Variants in WWOX observed in about 807,000 individuals in gnomAD.
The protein encoded by WWOX is WW domain-containing oxidoreductase.
WWOX carries 69 observed loss-of-function variants against 46.2 expected under a neutral mutation model. The observed-to-expected ratio is 1.49, with a 90% CI of 1.23 to 1.82. WWOX has a LOEUF of 1.82. Ranked by LOEUF, WWOX falls within the 40% of genes most tolerant of loss-of-function variation. The pLI, the probability that WWOX is intolerant of heterozygous loss-of-function variation, is 0.00. For synonymous variants in WWOX, 359 were observed against 202.6 expected (o/e 1.77, Z -6.56); for missense variants, 919 against 542.6 (o/e 1.69, Z -6.89).
chr16:78,868,889 T>C (rs2044065033), intron 8 of WWOX, among the ~76,000 whole-genome samples: 1 of 152,142 alleles, frequency 6.6e-6, no homozygotes, highest in Non-Finnish European at 1.5e-5. Context: ...TTGCATCCCT[T>C]AGAAATTTGC....
At chr16:78,821,231 G>A (rs1248607127) in intron 8 of WWOX, among the ~76,000 whole-genome samples, 5 of 152,040 alleles carry the variant, frequency 3.3e-5, no homozygotes, top group South Asian at 4.2e-4. Context: ...GTTGAGCATC[G>A]TCTGTTACCT....
chr16:78,300,851 G>A (rs56789501), intron 5 of WWOX, among the ~76,000 whole-genome samples: 7,570 of 152,108 alleles, frequency 0.05, 657 homozygotes, highest in African/African-American at 0.17. Context: ...AGTGTCTCCA[G>A]GGGCCATATG....
chr16:78,245,758 T>A (rs948247953), intron 5 of WWOX, among the ~76,000 whole-genome samples: 1 of 152,204 alleles, frequency 6.6e-6, no homozygotes, highest in Admixed American at 6.5e-5. Flanking sequence ...GAATGTTTCC[T>A]AAGTTAGTTC....
At chr16:78,866,369 G>A (rs1220534910) in intron 8 of WWOX, among the ~76,000 whole-genome samples, 1 of 151,948 alleles carries the variant, frequency 6.6e-6, no homozygotes, top group Non-Finnish European at 1.5e-5. Context: ...CAATAATTGT[G>A]ACTCCCTCAT....
chr16:78,823,481 C>T (rs2051561617), intron 8 of WWOX, among the ~76,000 whole-genome samples: 1 of 152,312 alleles, frequency 6.6e-6, no homozygotes, highest in African/African-American at 2.4e-5. Flanking sequence ...TGGTGACCCA[C>T]ATCTCAGGAT....
intron 2 of WWOX, among the ~76,000 whole-genome samples, chr16:78,108,987 G>A (rs985734574): frequency 6.6e-6 from 1 of 152,074 alleles, no homozygotes; most frequent in African/African-American, 2.4e-5. Flanking sequence ...GATGCTGTCT[G>A]AAAAATAGCG....
chr16:79,030,635 A>C (rs2047734453), intron 8 of WWOX, among the ~76,000 whole-genome samples: 1 of 152,196 alleles, frequency 6.6e-6, no homozygotes, highest in South Asian at 2.1e-4. Context: ...GTTTTCGTTC[A>C]ACCTTTGTTT....
chr16:78,304,778 C>G (rs539215183), intron 5 of WWOX, among the ~76,000 whole-genome samples: 2 of 152,252 alleles, frequency 1.3e-5, no homozygotes, highest in East Asian at 1.9e-4. Context: ...TGGAAAGGAT[C>G]TATTCCTAGA....
intron 5 of WWOX, among the ~76,000 whole-genome samples, chr16:78,377,776 A>T (rs1406380044): frequency 6.6e-6 from 1 of 152,240 alleles, no homozygotes; most frequent in Non-Finnish European, 1.5e-5. Context: ...CATTTTTAAT[A>T]GTTTTGCTTT....
intron 8 of WWOX, among the ~76,000 whole-genome samples, chr16:78,527,355 A>G (rs1001137410): frequency 1.4e-5 from 2 of 142,344 alleles, no homozygotes; most frequent in African/African-American, 5.2e-5. Context: ...GTGCAGTGGT[A>G]TGATCTCAGC....
intron 4 of WWOX, among the ~76,000 whole-genome samples, chr16:78,127,011 G>C (rs2033390140): frequency 6.6e-6 from 1 of 152,170 alleles, no homozygotes; most frequent in African/African-American, 2.4e-5. Flanking sequence ...CTGACAGTTA[G>C]GGCAAGCTTC....
intron 8 of WWOX, among the ~76,000 whole-genome samples, chr16:78,815,700 T>G (rs549786014): frequency 6.6e-6 from 1 of 152,292 alleles, no homozygotes; most frequent in South Asian, 2.1e-4. Context: ...CCTGTTCTTT[T>G]AAGGAAATCT....
At chr16:78,831,151 C>T (rs945271487) in intron 8 of WWOX, among the ~76,000 whole-genome samples, 1 of 152,182 alleles carries the variant, frequency 6.6e-6, no homozygotes, top group African/African-American at 2.4e-5. Flanking sequence ...GAGCTGAGAA[C>T]CACTCAGAAT....
chr16:78,570,000 T>C (rs916386327), intron 8 of WWOX, among the ~76,000 whole-genome samples: 10 of 152,204 alleles, frequency 6.6e-5, no homozygotes, highest in Admixed American at 6.5e-5. Flanking sequence ...TGCAGTGGGA[T>C]GGTTATCGGA....
chr16:78,378,414 A>T (rs1164804867), intron 5 of WWOX, among the ~76,000 whole-genome samples: 2 of 152,188 alleles, frequency 1.3e-5, no homozygotes, highest in Admixed American at 1.3e-4. Context: ...GAAAAGAATC[A>T]CTAGTCAATG....
At chr16:78,397,075 C>T (rs745773192) in intron 6 of WWOX, among the ~76,000 whole-genome samples, 10 of 152,098 alleles carry the variant, frequency 6.6e-5, no homozygotes, top group Non-Finnish European at 1.2e-4. Context: ...TGTTGAGAGT[C>T]GATGTTGTGT....
chr16:78,925,147 A>G (rs2045469600), intron 8 of WWOX, among the ~76,000 whole-genome samples: 1 of 152,200 alleles, frequency 6.6e-6, no homozygotes, highest in African/African-American at 2.4e-5. Context: ...GTGAGCAATG[A>G]TATTGCCACT....
At chr16:78,105,437 T>C (rs1453529780) in intron 1 of WWOX, among the ~76,000 whole-genome samples, 1 of 147,534 alleles carries the variant, frequency 6.8e-6, no homozygotes. Flanking sequence ...GCAGCCTGGG[T>C]GACAGAGTGA....
At chr16:78,547,159 AC>A (rs2044059673) in intron 8 of WWOX, among the ~76,000 whole-genome samples, 39 of 140,366 alleles carry the variant, frequency 2.8e-4, no homozygotes, top group African/African-American at 7.7e-4. Context: ...AAAAAAAAAA[AC>A]AACTACCAGG....
Sources: gnomAD v4.1 joint callset for allele counts (sites outside exome capture counted in the v4.1 genomes callset) on GRCh38, gnomAD v4.1.1 for gene constraint, MANE v1.5 for transcripts, NCBI Gene and HGNC (gene_info 2026-07-23, HGNC 2026-07-21) for gene names.